Variants in MACROD2 observed in about 807,000 individuals in gnomAD.
MACROD2 encodes the protein ADP-ribose glycohydrolase MACROD2.
Under a neutral mutation model 70.4 loss-of-function variants are expected in MACROD2, and 36 were observed. The ratio of observed to expected loss-of-function variants is 0.51; its 90% CI spans 0.39 to 0.68. MACROD2 has a LOEUF of 0.68. Ranked by LOEUF, MACROD2 falls within the 30% of genes least tolerant of loss-of-function variation. MACROD2 has a pLI of 0.00. For missense variants in MACROD2, 496 were observed against 538.4 expected (o/e 0.92, Z 0.78); for synonymous variants, 172 against 178.8 (o/e 0.96, Z 0.30).
intron 6 of MACROD2, among the ~76,000 whole-genome samples, chr20:15,431,163 A>G (rs1244237034): frequency 6.6e-6 from 1 of 152,062 alleles, no homozygotes; most frequent in Non-Finnish European, 1.5e-5. Context: ...AACTTTAACA[A>G]TTGCCTCACA....
chr20:15,142,392 A>G (rs1321419480), intron 5 of MACROD2, among the ~76,000 whole-genome samples: 2 of 152,212 alleles, frequency 1.3e-5, no homozygotes, highest in East Asian at 1.9e-4. Context: ...CAGGTTACCT[A>G]TCATTTAAAA....
chr20:14,330,711 G>A (rs531889597), intron 3 of MACROD2, among the ~76,000 whole-genome samples: 3 of 152,170 alleles, frequency 2.0e-5, no homozygotes, highest in African/African-American at 7.2e-5. Flanking sequence ...ATTGCAAAGT[G>A]CCCACAGAGG....
At chr20:15,528,145 T>A (rs1212491664) in intron 8 of MACROD2, among the ~76,000 whole-genome samples, 1 of 151,830 alleles carries the variant, frequency 6.6e-6, no homozygotes. Context: ...GACACATTTT[T>A]TTTTATTTGA....
intron 5 of MACROD2, among the ~76,000 whole-genome samples, chr20:15,061,273 C>T (rs899423971): frequency 2.6e-5 from 4 of 152,150 alleles, no homozygotes; most frequent in African/African-American, 9.7e-5. Context: ...TAGCTGTGAT[C>T]CTGCCTAAGG....
intron 8 of MACROD2, among the ~76,000 whole-genome samples, chr20:15,736,720 T>C (rs2051026119): frequency 6.6e-6 from 1 of 152,152 alleles, no homozygotes; most frequent in African/African-American, 2.4e-5. Flanking sequence ...TAACTGCAGA[T>C]GGAAAATACA....
intron 8 of MACROD2, among the ~76,000 whole-genome samples, chr20:15,727,046 A>AT (rs1694636826): frequency 6.6e-6 from 1 of 151,848 alleles, no homozygotes; most frequent in African/African-American, 2.4e-5. Context: ...ATCTTCTGGG[A>AT]TTTTTATAGT....
At chr20:15,888,042 C>A (rs2064844071) in intron 10 of MACROD2, among the ~76,000 whole-genome samples, 1 of 152,036 alleles carries the variant, frequency 6.6e-6, no homozygotes, top group Non-Finnish European at 1.5e-5. Flanking sequence ...ATGAACACAC[C>A]CAGTATTGGC....
At chr20:14,750,924 T>C (rs35993116) in intron 5 of MACROD2, among the ~76,000 whole-genome samples, 1 of 152,126 alleles carries the variant, frequency 6.6e-6, no homozygotes, top group African/African-American at 2.4e-5. Flanking sequence ...TTTAGTATTG[T>C]AATTTTTTAG....
rs190117075 is a variant in MACROD2, at chr20:15,318,553, T to C, written c.540+88492T>C. Among the ~76,000 whole-genome samples, 9 of 152,206 alleles carry C rather than the reference T, an allele frequency of 5.9e-5. No individual in the cohort carries two copies. In the East Asian group the frequency reaches 1.5e-3, roughly 26 times the overall value. Reference sequence around the variant, plus strand: ...ATTATGGACCAAAATCCCTTATGATTATAGATGAAGAAATCCTCAAGAAAT... The same window carrying C: ...ATTATGGACCAAAATCCCTTATGATCATAGATGAAGAAATCCTCAAGAAAT... On this transcript the variant is annotated intron_variant, in intron 6 of 17. Transcript: ENST00000684519.
At chr20:14,878,195 A>G (rs1013648363) in intron 5 of MACROD2, among the ~76,000 whole-genome samples, 2 of 152,194 alleles carry the variant, frequency 1.3e-5, no homozygotes, top group African/African-American at 2.4e-5. Context: ...GTGTGTAAGC[A>G]TTGAGAGGGT....
At chr20:15,035,315 G>T (rs1263531698) in intron 5 of MACROD2, among the ~76,000 whole-genome samples, 1 of 152,044 alleles carries the variant, frequency 6.6e-6, no homozygotes, top group African/African-American at 2.4e-5. Flanking sequence ...GAGGTGGGAA[G>T]ATCACTTTTG....
At chr20:15,736,783 A>G (rs1235500950) in intron 8 of MACROD2, among the ~76,000 whole-genome samples, 3 of 152,192 alleles carry the variant, frequency 2.0e-5, no homozygotes, top group African/African-American at 7.2e-5. Flanking sequence ...TTAAGTAGCC[A>G]TTGGCTCCAC....
intron 9 of MACROD2, among the ~76,000 whole-genome samples, chr20:15,879,815 C>T (rs2064728604): frequency 6.6e-6 from 1 of 152,072 alleles, no homozygotes; most frequent in African/African-American, 2.4e-5. Context: ...GAGCTCATGG[C>T]ATAGTTTCAG....
At chr20:15,346,121 T>A (rs963955537) in intron 6 of MACROD2, among the ~76,000 whole-genome samples, 5 of 141,596 alleles carry the variant, frequency 3.5e-5, no homozygotes, top group East Asian at 2.1e-4. Flanking sequence ...TTTTTTTTTT[T>A]AAACAGGCCA....
chr20:14,313,561 T>C (rs1327294346), intron 3 of MACROD2, among the ~76,000 whole-genome samples: 1 of 152,144 alleles, frequency 6.6e-6, no homozygotes, highest in Non-Finnish European at 1.5e-5. Flanking sequence ...GTGAAATTTG[T>C]CTGGGGAGGT....
chr20:15,250,162 T>C, intron 6 of MACROD2, among the ~76,000 whole-genome samples: 1 of 152,186 alleles, frequency 6.6e-6, no homozygotes, highest in African/African-American at 2.4e-5. Context: ...TCTGTCAAGA[T>C]TACCTTCCTC....
chr20:14,273,789 G>A (rs541791429), intron 3 of MACROD2, among the ~76,000 whole-genome samples: 39 of 150,764 alleles, frequency 2.6e-4, no homozygotes, highest in African/African-American at 9.1e-4. Context: ...TCAAATAGAT[G>A]CAATAAAAAA....
intron 5 of MACROD2, among the ~76,000 whole-genome samples, chr20:14,738,847 A>G (rs2071700095): frequency 6.6e-6 from 1 of 152,010 alleles, no homozygotes; most frequent in African/African-American, 2.4e-5. Flanking sequence ...CTATTGGAAA[A>G]CAGAAGGGAA....
chr20:15,207,446 T>TTTG (rs1244785032), intron 5 of MACROD2, among the ~76,000 whole-genome samples: 15 of 136,292 alleles, frequency 1.1e-4, no homozygotes, highest in South Asian at 2.5e-4. Context: ...GTTTTTTTTT[T>TTTG]TTTTTTTTTT....
Sources: gnomAD v4.1 joint callset for allele counts (sites outside exome capture counted in the v4.1 genomes callset) on GRCh38, gnomAD v4.1.1 for gene constraint, MANE v1.5 for transcripts, NCBI Gene and HGNC (gene_info 2026-07-23, HGNC 2026-07-21) for gene names.